The following CD4 variants were observed in gnomAD, a reference collection of about 807,000 sequenced individuals.
The protein encoded by CD4 is T-cell surface glycoprotein CD4.
A neutral mutation model predicts 50.5 loss-of-function variants in CD4; 25 were observed. That is an observed-to-expected ratio of 0.49 (90% CI 0.36 to 0.69). CD4 has a LOEUF of 0.69. CD4 is among the 30% of genes least tolerant of loss of function. The pLI, the probability that CD4 is intolerant of heterozygous loss-of-function variation, is 0.00. For missense variants in CD4, 456 were observed against 548.5 expected (o/e 0.83, Z 1.68); for synonymous variants, 207 against 221.9 (o/e 0.93, Z 0.60).
intron 1 of CD4, among the ~76,000 whole-genome samples, chr12:6,795,626 G>C (rs925147356): frequency 6.6e-6 from 1 of 152,234 alleles, no homozygotes; most frequent in African/African-American, 2.4e-5. Flanking sequence ...GAAGAGTCCT[G>C]AAGAAGTGAA....
At chr12:6,795,682 G>C (rs1942354846) in intron 1 of CD4, among the ~76,000 whole-genome samples, 1 of 152,218 alleles carries the variant, frequency 6.6e-6, no homozygotes, top group African/African-American at 2.4e-5. Flanking sequence ...CTGGATAAGG[G>C]GCCACCCCAC....
intron 1 of CD4, among the ~76,000 whole-genome samples, chr12:6,789,925 G>A (rs1230909190): frequency 6.6e-6 from 1 of 152,208 alleles, no homozygotes. Context: ...TAGAGGAGTA[G>A]TGACCTAAAT....
intron 3 of CD4, among the ~76,000 whole-genome samples, chr12:6,803,486 A>G (rs1328782272): frequency 1.3e-5 from 2 of 148,986 alleles, no homozygotes; most frequent in Non-Finnish European, 3.0e-5. Flanking sequence ...AGGTGTTATT[A>G]TAAGAATTGC....
At chr12:6,813,403 C>T (rs1438110049) in intron 3 of CD4, 5 of 151,566 alleles carry the variant, frequency 3.3e-5, no homozygotes, top group African/African-American at 1.2e-4. Context: ...TTTTTAATGG[C>T]CTCATTTTCT....
Position 6,800,474 on chromosome 12 carries a change from A to G in CD4, c.214+3A>G. 1 of 1,610,548 alleles carries G rather than the reference A, an allele frequency of 6.2e-7. No individual in the cohort carries two copies. The highest frequency in any genetic ancestry group is 8.5e-7 in the Non-Finnish European group (1 of 1,178,706). On this transcript the variant is annotated splice_donor_region_variant and intron_variant, in intron 3 of 9. Coordinates refer to ENST00000011653, the MANE Select transcript of CD4 (RefSeq NM_000616.5). ...TCAGGGCTCCTTCTTAACTAAAGGT[A>G]GGGTTGCCTGGCTCCCCATCCAGGG...
rs1555115027 is a variant in CD4 at position 6,800,296 on chromosome 12, T to C, written c.50-11T>C. 1.9e-6 allele frequency: 3 copies of C among 1,613,852 alleles called. No individual in the cohort carries two copies. The highest frequency in any genetic ancestry group is 2.5e-6 in the Non-Finnish European group (3 of 1,179,936). On this transcript the variant is annotated splice_polypyrimidine_tract_variant and intron_variant, in intron 2 of 9. Transcript: ENST00000011653. ...CGACATTGAGACCTGACTCCTTTCTTTTCCACTTAGCGCTCCTCCCAGCAG... is the reference window on the plus strand; with the variant it reads ...CGACATTGAGACCTGACTCCTTTCTCTTCCACTTAGCGCTCCTCCCAGCAG...
chr12:6,801,556 T>G (rs1437615415), intron 3 of CD4, among the ~76,000 whole-genome samples: 5 of 148,968 alleles, frequency 3.4e-5, no homozygotes, highest in African/African-American at 1.3e-4. Flanking sequence ...ATTATTATTA[T>G]TAGTTTATTT....
At position 6,803,857 on chromosome 12, in the gene CD4, A is replaced by G. The variant is rs1555115757; in HGVS notation, c.214+3386A>G. On this transcript the variant is annotated intron_variant, in intron 3 of 9. Transcript: ENST00000011653. The stretch of plus-strand genomic sequence containing the variant: ...TCAGGAGTGGTGGCTCACGCCTGTA[A>G]TCCCAGCACTTTGGGAGGCCGAGGT... Among the ~76,000 whole-genome samples the G allele has an allele frequency of 3.3e-5, 5 of 151,734 alleles. No homozygotes were observed. In the South Asian group the frequency reaches 1.0e-3, roughly 32 times the overall value.
At position 6,808,443 on chromosome 12, in the gene CD4, T is replaced by A; in HGVS notation, c.215-5699T>A. On this transcript the variant is annotated intron_variant, in intron 3 of 9. Coordinates refer to ENST00000011653, the MANE Select transcript of CD4 (RefSeq NM_000616.5). ...TCCAGCCTGGGTGACAAAGTGAGAT[T>A]CTGTCTCAAAAAAAAAAAAAAAAAA... 2.3e-5 allele frequency among the ~76,000 whole-genome samples: 2 copies of A among 87,050 alleles called. 1 individual carries two copies. The highest frequency in any genetic ancestry group is 7.5e-5 in the African/African-American group (2 of 26,824). The allele number at this position is 87,050 out of a possible 152,430, so 57.1% of individuals were successfully genotyped here.
At chr12:6,814,617 T>C in intron 4 of CD4, 142 bp from the exon 5 acceptor site, 1 of 762,986 alleles carries the variant, frequency 1.3e-6, no homozygotes. Context: ...AAACCCTATC[T>C]TGGCTGGGGG....
chr12:6,806,638 G>A (rs1329921782), intron 3 of CD4, among the ~76,000 whole-genome samples: 6 of 152,074 alleles, frequency 3.9e-5, no homozygotes, highest in African/African-American at 1.4e-4. Context: ...AGGCCGAAAA[G>A]GACATACAGT....
chr12:6,804,190 A>G (rs7133281), intron 3 of CD4, among the ~76,000 whole-genome samples: 4 of 151,124 alleles, frequency 2.6e-5, no homozygotes, highest in African/African-American at 4.9e-5. Context: ...ACACACACAC[A>G]CAATGCAAAA....
intron 3 of CD4, among the ~76,000 whole-genome samples, chr12:6,806,182 C>CACACAT (rs1555116155): frequency 0.017 from 1,337 of 80,000 alleles, 16 homozygotes; most frequent in African/African-American, 0.041. Flanking sequence ...CACACACACA[C>CACACAT]ATACACAAGT....
intron 7 of CD4, among the ~76,000 whole-genome samples, chr12:6,817,902 C>G (rs1943133236): frequency 6.6e-6 from 1 of 151,832 alleles, no homozygotes; most frequent in Non-Finnish European, 1.5e-5. Context: ...CGCACATACT[C>G]TCACCCACAC....
chr12:6,812,249 A>C (rs1773523994), intron 3 of CD4, among the ~76,000 whole-genome samples: 1 of 152,152 alleles, frequency 6.6e-6, no homozygotes, highest in Admixed American at 6.5e-5. Flanking sequence ...AAATACAAAA[A>C]TTAGCCAGAT....
chr12:6,796,957 C>G (rs1018275814), intron 1 of CD4, among the ~76,000 whole-genome samples: 1 of 152,226 alleles, frequency 6.6e-6, no homozygotes, highest in African/African-American at 2.4e-5. Flanking sequence ...TCCCTACCAC[C>G]TTTGCACACC....
At chr12:6,811,765 C>T (rs1942946481) in intron 3 of CD4, among the ~76,000 whole-genome samples, 1 of 151,312 alleles carries the variant, frequency 6.6e-6, no homozygotes, top group Admixed American at 6.6e-5. Context: ...ACCGCCTTGG[C>T]CTCCCAAAGT....
chr12:6,804,701 T>TACAACATA (rs1555115880), intron 3 of CD4, among the ~76,000 whole-genome samples: 13 of 152,086 alleles, frequency 8.5e-5, no homozygotes, highest in South Asian at 2.1e-4. Flanking sequence ...AGTGAGACCT[T>TACAACATA]GTCTCTACAA....
In CD4 at chr12:6,816,272, G is replaced by C. The variant is rs146592493; in HGVS notation, c.824G>C (p.Gly275Ala). The C allele has an allele frequency of 5.0e-5, 81 of 1,614,080 alleles. No individual in the cohort carries two copies. Among genetic ancestry groups the C allele is most frequent in the Non-Finnish European group, 6.4e-5 (75 of 1,180,022 alleles). Residue 275 changes from glycine to alanine, a missense_variant, in exon 6 of 10, where the codon GGC becomes GCC. Coordinates refer to ENST00000011653, the MANE Select transcript of CD4 (RefSeq NM_000616.5). The surrounding 1 kb of genome is among the most constrained non-coding windows in gnomAD (Gnocchi z 4.9). ...RVTQDPKLQM[G>A]KKLPLHLTLP... is the part of the protein sequence containing the mutation. ...ACCCAGGACCCTAAGCTCCAGATGG[G>C]CAAGAAGCTCCCGCTCCACCTCACC...
Sources: gnomAD v4.1 joint callset for allele counts (sites outside exome capture counted in the v4.1 genomes callset) on GRCh38, gnomAD v4.1.1 for gene constraint, Gnocchi (gnomAD v3.1) non-coding constraint, MANE v1.5 for transcripts, NCBI Gene and HGNC (gene_info 2026-07-23, HGNC 2026-07-21) for gene names.